PPP1R36: variants seen among roughly 807,000 people sequenced by gnomAD.
PPP1R36 encodes chromosome 14 open reading frame 50.
In PPP1R36, 47 loss-of-function variants were observed where a neutral mutation model predicts 53.4. The observed-to-expected ratio is 0.88, with a 90% confidence interval of 0.70 to 1.12. PPP1R36 has a LOEUF of 1.12. Among genes scored for constraint, PPP1R36 ranks in the 50% most tolerant of loss-of-function variants. The pLI, the probability that PPP1R36 is intolerant of heterozygous loss-of-function variation, is 0.00. For synonymous variants in PPP1R36, 153 were observed against 170.5 expected, an observed-to-expected ratio of 0.90 and a Z score of 0.80; for missense variants, 456 against 513.9, an observed-to-expected ratio of 0.89 and a Z score of 1.09.
At chr14:64,559,507 G>A (rs556971636) in intron 3 of PPP1R36, 1 of 152,432 alleles carries the variant, frequency 6.6e-6, no homozygotes, top group East Asian at 1.9e-4. Flanking sequence ...TCCCAAGGAA[G>A]GTGATATCTA....
chr14:64,564,883 C>A, intron 4 of PPP1R36, 46 bp downstream of exon 4: 1 of 1,277,524 alleles, frequency 7.8e-7, no homozygotes, highest in South Asian at 1.3e-5. Context: ...TAGCATCTCT[C>A]AGTGGAATGG....
At chr14:64,551,457 A>G (rs979829317) in intron 2 of PPP1R36, among the ~76,000 whole-genome samples, 1 of 152,240 alleles carries the variant, frequency 6.6e-6, no homozygotes, top group African/African-American at 2.4e-5. Flanking sequence ...TAAAATTACT[A>G]AATTAGAAAA....
chr14:64,568,579 G>T lies in PPP1R36; in HGVS notation c.533+132G>T, dbSNP rs2080279319. ...TACTAAGACATTTTACATGGGAAGA[G>T]TGTGTCAGTTTTTAAAGCTCACTGG... On this transcript the variant is annotated intron_variant, in intron 7 of 11. Coordinates refer to ENST00000298705, the MANE Select transcript of PPP1R36 (RefSeq NM_172365.3). The T allele has an allele frequency of 6.7e-6, 3 of 449,436 alleles. No individual in the cohort carries two copies. The South Asian group carries it at 1.5e-4, about 23-fold the overall frequency. The allele number at this position is 449,436 out of a possible 1,614,324, so 27.8% of individuals were successfully genotyped here. A position where few individuals can be genotyped will look rare whatever the true frequency, so the allele number is the denominator to read the frequency against.
At chr14:64,577,884 C>T (rs2080356222) in intron 8 of PPP1R36, among the ~76,000 whole-genome samples, 3 of 151,704 alleles carry the variant, frequency 2.0e-5, no homozygotes, top group Admixed American at 2.0e-4. Flanking sequence ...CGCCACCACG[C>T]CCGGCTAATT....
intron 4 of PPP1R36, among the ~76,000 whole-genome samples, 165 bp downstream of exon 4, chr14:64,565,002 C>T (rs1158847878): frequency 3.9e-5 from 6 of 152,198 alleles, no homozygotes; most frequent in Non-Finnish European, 8.8e-5. Context: ...GTGGGAATTA[C>T]GATAGTCCCG....
intron 8 of PPP1R36, among the ~76,000 whole-genome samples, chr14:64,578,317 T>C (rs1263286104): frequency 6.6e-6 from 1 of 152,238 alleles, no homozygotes; most frequent in Non-Finnish European, 1.5e-5. Flanking sequence ...TTCTACAGCC[T>C]GTTGTTCTTT....
chr14:64,559,089 AAAAT>A (rs988614353), intron 3 of PPP1R36, among the ~76,000 whole-genome samples: 35 of 152,330 alleles, frequency 2.3e-4, no homozygotes, highest in African/African-American at 4.3e-4. Flanking sequence ...TATGGCAGAA[AAAAT>A]AAATAAACAG....
intron 8 of PPP1R36, among the ~76,000 whole-genome samples, 175 bp downstream of exon 8, chr14:64,574,764 C>A (rs1350972002): frequency 1.3e-5 from 2 of 152,154 alleles, no homozygotes; most frequent in African/African-American, 4.8e-5. Context: ...TTTGAGAGAC[C>A]AAAGTGCATG....
rs1404145190 is a variant in PPP1R36 at position 64,587,217 on chromosome 14, T to C, written c.735T>C (p.Tyr245=). ...FFESFYTFCT[Y]VAWIVFRRQH... ...AGTCCTTTTATACTTTCTGTACATA[T>C]GTGGCTTGGATTGTCTTCCGACGTC... The change falls in exon 10 of 12, where the codon TAT becomes TAC. Residue 245 remains tyrosine, a synonymous_variant. Coordinates refer to ENST00000298705, the MANE Select transcript of PPP1R36 (RefSeq NM_172365.3). 3.7e-6 allele frequency: 6 copies of C among 1,611,080 alleles called. No homozygotes were observed. The highest frequency in any genetic ancestry group is 4.2e-6 in the Non-Finnish European group (5 of 1,178,960).
intron 8 of PPP1R36, among the ~76,000 whole-genome samples, chr14:64,581,512 G>A (rs2080389900): frequency 6.6e-6 from 1 of 151,156 alleles, no homozygotes; most frequent in South Asian, 2.1e-4. Flanking sequence ...TTCCTTGGCT[G>A]TCTTTTAAGC....
intron 7 of PPP1R36, among the ~76,000 whole-genome samples, chr14:64,569,082 A>G (rs1326186689): frequency 6.6e-6 from 1 of 152,196 alleles, no homozygotes; most frequent in African/African-American, 2.4e-5. Flanking sequence ...ATTCCACATC[A>G]CAGGAAAAAA....
intron 1 of PPP1R36, 153 bp downstream of exon 1, chr14:64,550,219 C>A: frequency 7.2e-7 from 1 of 1,384,004 alleles, no homozygotes; most frequent in Middle Eastern, 2.7e-4. Context: ...GCCATATTTG[C>A]CTAGAAAAAA....
At chr14:64,571,951 A>G (rs1407106204) in intron 7 of PPP1R36, among the ~76,000 whole-genome samples, 1 of 152,202 alleles carries the variant, frequency 6.6e-6, no homozygotes, top group Non-Finnish European at 1.5e-5. Flanking sequence ...CGCCACGATG[A>G]TTCAGTTACC....
intron 3 of PPP1R36, among the ~76,000 whole-genome samples, chr14:64,562,183 G>A (rs1435360766): frequency 6.6e-6 from 1 of 152,146 alleles, no homozygotes; most frequent in African/African-American, 2.4e-5. Flanking sequence ...ATTATTGGCT[G>A]GGCGCGGTGG....
intron 8 of PPP1R36, among the ~76,000 whole-genome samples, chr14:64,584,483 G>A (rs2080415360): frequency 6.6e-6 from 1 of 152,164 alleles, no homozygotes; most frequent in African/African-American, 2.4e-5. Flanking sequence ...TTGAAAGGGT[G>A]GAAATTTCAC....
At chr14:64,559,153 G>A (rs1041058788) in intron 3 of PPP1R36, among the ~76,000 whole-genome samples, 1 of 152,214 alleles carries the variant, frequency 6.6e-6, no homozygotes, top group Non-Finnish European at 1.5e-5. Flanking sequence ...GGTTGGAAGA[G>A]AGAGCCGCGG....
intron 3 of PPP1R36, among the ~76,000 whole-genome samples, chr14:64,555,953 T>G (rs921746750): frequency 6.6e-6 from 1 of 152,166 alleles, no homozygotes; most frequent in Non-Finnish European, 1.5e-5. Flanking sequence ...AACAAGTATA[T>G]AAATGTACAA....
At chr14:64,566,693 C>T (rs1380635092) in intron 6 of PPP1R36, among the ~76,000 whole-genome samples, 1 of 152,210 alleles carries the variant, frequency 6.6e-6, no homozygotes, top group Non-Finnish European at 1.5e-5. Flanking sequence ...TGCCCGATGC[C>T]ATTTGCACCC....
At chr14:64,560,465 G>A (rs1464762979) in intron 3 of PPP1R36, among the ~76,000 whole-genome samples, 2 of 150,274 alleles carry the variant, frequency 1.3e-5, no homozygotes, top group Non-Finnish European at 3.0e-5. Flanking sequence ...AAAGAAAGAT[G>A]ACTGGCTCAA....
Sources: gnomAD v4.1 joint callset for allele counts (sites outside exome capture counted in the v4.1 genomes callset) on GRCh38, gnomAD v4.1.1 for gene constraint, MANE v1.5 for transcripts, NCBI Gene and HGNC (gene_info 2026-07-23, HGNC 2026-07-21) for gene names.